Variants in PDE9A observed in about 807,000 individuals in gnomAD.
PDE9A encodes the protein high affinity cGMP-specific 3',5'-cyclic phosphodiesterase 9A.
In PDE9A, 60 loss-of-function variants were observed where a neutral mutation model predicts 87.4. The ratio of observed to expected loss-of-function variants is 0.69; its 90% CI spans 0.56 to 0.85. The LOEUF is 0.85. PDE9A is among the 40% of genes least tolerant of loss of function. PDE9A has a pLI of 0.00. For synonymous variants in PDE9A, 272 were observed against 279.4 expected (o/e 0.97, Z 0.27); for missense variants, 665 against 779.0 (o/e 0.85, Z 1.74).
In PDE9A at chr21:42,720,548, A is replaced by G. The variant is rs538387593; in HGVS notation, c.263-11222A>G. Among the ~76,000 whole-genome samples, 24 of 152,304 alleles carry G rather than the reference A, an allele frequency of 1.6e-4. No individual in the cohort carries two copies. In the South Asian group the frequency reaches 5.0e-3, roughly 32 times the overall value. On this transcript the variant is annotated intron_variant, in intron 4 of 19. Transcript: ENST00000291539. ...TACGGGCAAGAAGCCACACAGAAAG[A>G]AAAATAAAATAGGTATCTCTGGGGT...
At chr21:42,749,589 G>A (rs564425301) in intron 8 of PDE9A, among the ~76,000 whole-genome samples, 26 of 152,276 alleles carry the variant, frequency 1.7e-4, no homozygotes, top group Middle Eastern at 3.4e-3. Flanking sequence ...GGGATACCTC[G>A]ATACCAAGTG....
At position 42,759,099 on chromosome 21, in the gene PDE9A, C is replaced by T. The variant is rs1224309243; in HGVS notation, c.897+14C>T. 1 of 1,598,174 alleles carries T rather than the reference C, an allele frequency of 6.3e-7. No homozygotes were observed. The highest frequency in any genetic ancestry group is 1.1e-5 in the South Asian group (1 of 90,710). ...AGGAGGTGGCTGGTGAGTGCCAAAC[C>T]CGCCTTCGGTTCTTCCTGGGCACGT... is the stretch of plus-strand genomic sequence containing the variant. On this transcript the variant is annotated intron_variant, in intron 11 of 19. Coordinates refer to ENST00000291539, the MANE Select transcript of PDE9A (RefSeq NM_002606.3). The surrounding 1 kb of genome is among the most constrained non-coding windows in gnomAD (Gnocchi z 7.2).
At chr21:42,668,126 CATACTGCCTTGAA>C (rs1467753424) in intron 1 of PDE9A, among the ~76,000 whole-genome samples, 2 of 152,170 alleles carry the variant, frequency 1.3e-5, no homozygotes, top group African/African-American at 4.8e-5. Flanking sequence ...ACCATTCTCA[CATACTGCCTTGAA>C]ACTGGGCTCG....
chr21:42,770,117 C>T lies in PDE9A; in HGVS notation c.1591-586C>T, dbSNP rs187504781. Among the ~76,000 whole-genome samples the T allele has an allele frequency of 1.5e-3, 224 of 151,158 alleles. 1 individual carries two copies. The highest frequency in any genetic ancestry group is 5.2e-3 in the African/African-American group (213 of 41,144). Reference sequence around the variant, plus strand: ...GCCCCTGTCCAGCTCCCAGTCTCACCGCACCCAGCCACCGAGACCTTGCTC... The same window carrying T: ...GCCCCTGTCCAGCTCCCAGTCTCACTGCACCCAGCCACCGAGACCTTGCTC... On this transcript the variant is annotated intron_variant, in intron 17 of 19. Transcript: ENST00000291539.
chr21:42,653,828 C>A lies in PDE9A; in HGVS notation c.14C>A (p.Ser5Tyr), dbSNP rs1250161404. The A allele has an allele frequency of 2.6e-6, 4 of 1,565,564 alleles. No individual in the cohort carries two copies. Among genetic ancestry groups the A allele is most frequent in the Admixed American group, 3.6e-5 (2 of 55,748 alleles). ...GCCGGGCGCAGGATGGGATCCGGCT[C>A]CTCCAGCTACCGGCCCAAGGCCATC... is the stretch of plus-strand genomic sequence containing the variant. Reference protein sequence around the residue: MGSGSSSYRPKAIYL... With the variant: MGSGYSSYRPKAIYL... Residue 5 changes from serine (S) to tyrosine (Y), a missense_variant, in exon 1 of 20, where the codon TCC becomes TAC. Coordinates refer to ENST00000291539, the MANE Select transcript of PDE9A (RefSeq NM_002606.3).
chr21:42,718,692 G>A (rs1377399090), intron 4 of PDE9A, among the ~76,000 whole-genome samples: 1 of 151,612 alleles, frequency 6.6e-6, no homozygotes, highest in East Asian at 1.9e-4. Flanking sequence ...TTTTGTTTCG[G>A]TGTTTGCACG....
At chr21:42,745,370 A>G (rs1329938591) in intron 8 of PDE9A, among the ~76,000 whole-genome samples, 1 of 152,236 alleles carries the variant, frequency 6.6e-6, no homozygotes, top group Non-Finnish European at 1.5e-5. Context: ...TCTCAGCCCA[A>G]TTGACTTAGG....
chr21:42,678,848 G>C (rs8131125), intron 1 of PDE9A, among the ~76,000 whole-genome samples: 4 of 152,082 alleles, frequency 2.6e-5, no homozygotes, highest in African/African-American at 9.7e-5. Context: ...ACAGATCAGG[G>C]TGCACAGACA....
chr21:42,704,056 C>A lies in PDE9A; in HGVS notation c.262+5045C>A, dbSNP rs147991626. The stretch of plus-strand genomic sequence containing the variant: ...GGGCCCAGGCTCCCGCCAGCCCTCA[C>A]GGCAGCACGAGGCTGGTACGAGACA... On this transcript the variant is annotated intron_variant, in intron 4 of 19. Transcript: ENST00000291539. The surrounding 1 kb of genome is among the most constrained non-coding windows in gnomAD (Gnocchi z 5.3). Among the ~76,000 whole-genome samples the A allele has an allele frequency of 1.3e-5, 2 of 152,296 alleles. No homozygotes were observed. Among genetic ancestry groups the A allele is most frequent in the East Asian group, 3.9e-4 (2 of 5,182 alleles).
intron 3 of PDE9A, among the ~76,000 whole-genome samples, chr21:42,690,372 C>A (rs540150978): frequency 1.3e-5 from 2 of 151,888 alleles, no homozygotes; most frequent in African/African-American, 2.4e-5. Flanking sequence ...ATCTAGACAG[C>A]GATGTGGAAA....
At position 42,760,783 on chromosome 21, in the gene PDE9A, G is replaced by T; in HGVS notation, c.1003-42G>T. ...CCCCCCTCACCCCATCCCACCCTCCGAGTGAAGAGAGCAAACACCTACGCC... is the reference window on the plus strand; with the variant it reads ...CCCCCCTCACCCCATCCCACCCTCCTAGTGAAGAGAGCAAACACCTACGCC... On this transcript the variant is annotated intron_variant, in intron 12 of 19. Transcript: ENST00000291539. This position sits in a 1 kb window ranked among gnomAD's most constrained non-coding sequence, Gnocchi z 5.2. The T allele has an allele frequency of 2.1e-6, 2 of 971,408 alleles. No individual in the cohort carries two copies. The highest frequency in any genetic ancestry group is 3.3e-6 in the Non-Finnish European group (2 of 606,146). 60.2% of individuals were successfully genotyped at this position (971,408 alleles called of 1,614,324 possible). A position where few individuals can be genotyped will look rare whatever the true frequency, so the allele number is the denominator to read the frequency against.
chr21:42,762,228 C>T lies in PDE9A; in HGVS notation c.1231C>T (p.Gln411Ter). 6.2e-7 allele frequency: 1 copy of T among 1,613,942 alleles called. No individual in the cohort carries two copies. The highest frequency in any genetic ancestry group is 8.5e-7 in the Non-Finnish European group (1 of 1,179,878). Residue 411 changes from glutamine (Q) to a stop codon, truncating the protein, a stop_gained, in exon 14 of 20, where the codon CAG (glutamine) becomes TAG (stop). Coordinates refer to ENST00000291539, the MANE Select transcript of PDE9A (RefSeq NM_002606.3). LOFTEE classifies it high-confidence loss of function. ...CAACATCCCACCTGATGGGTTCAAG[C>T]AGATCCGACAGGTGTGTGGGGTGAG... Reference protein sequence around the residue: ...FSNIPPDGFKQIRQGMITLIL... With the variant: ...FSNIPPDGFK
chr21:42,765,922 C>A (rs1218607340), intron 15 of PDE9A, among the ~76,000 whole-genome samples: 2 of 152,212 alleles, frequency 1.3e-5, no homozygotes, highest in African/African-American at 4.8e-5. Flanking sequence ...TAGCCCAGCA[C>A]CCCTCCATAA....
chr21:42,733,791 G>T, intron 7 of PDE9A: 1 of 213,264 alleles, frequency 4.7e-6, no homozygotes, highest in Non-Finnish European at 9.5e-6. Context: ...GCACCCTGTG[G>T]GTCATAATTT....
chr21:42,737,814 A>C (rs1445453803), intron 7 of PDE9A, among the ~76,000 whole-genome samples: 1 of 152,196 alleles, frequency 6.6e-6, no homozygotes, highest in Non-Finnish European at 1.5e-5. Context: ...GGCCACCTTA[A>C]GGCCATATTA....
chr21:42,708,372 T>C (rs1170384284), intron 4 of PDE9A, among the ~76,000 whole-genome samples: 1 of 151,928 alleles, frequency 6.6e-6, no homozygotes, highest in Non-Finnish European at 1.5e-5. Context: ...TTGAGTAAAA[T>C]GGAGATGATG....
intron 8 of PDE9A, among the ~76,000 whole-genome samples, chr21:42,744,360 A>C (rs1483091968): frequency 6.6e-6 from 1 of 152,180 alleles, no homozygotes; most frequent in Non-Finnish European, 1.5e-5. Flanking sequence ...GTCTCAAGAA[A>C]AAAAGAGCAC....
chr21:42,754,142 T>C, intron 10 of PDE9A, 78 bp downstream of exon 10: 2 of 760,966 alleles, frequency 2.6e-6, no homozygotes, highest in Non-Finnish European at 2.3e-6. Context: ...ACCACCCCCA[T>C]CGCTCTTCCT....
Position 42,739,209 on chromosome 21 carries a change from G to A in PDE9A, c.569-4567G>A, listed in dbSNP as rs2052822724. On this transcript the variant is annotated intron_variant, in intron 7 of 19. Coordinates refer to ENST00000291539, the MANE Select transcript of PDE9A (RefSeq NM_002606.3). This position sits in a 1 kb window ranked among gnomAD's most constrained non-coding sequence, Gnocchi z 4.1. ...TTCAGCGTTTGAAGGCAGAGGAGCGGGCCATGATGGGCAGAGCCGACGTCC... is the reference window on the plus strand; with the variant it reads ...TTCAGCGTTTGAAGGCAGAGGAGCGAGCCATGATGGGCAGAGCCGACGTCC... 6.6e-6 allele frequency among the ~76,000 whole-genome samples: 1 copy of A among 152,238 alleles called. No individual in the cohort carries two copies. The highest frequency in any genetic ancestry group is 1.5e-5 in the Non-Finnish European group (1 of 68,034).
Sources: gnomAD v4.1 joint callset for allele counts (sites outside exome capture counted in the v4.1 genomes callset) on GRCh38, gnomAD v4.1.1 for gene constraint, Gnocchi (gnomAD v3.1) non-coding constraint, MANE v1.5 for transcripts, NCBI Gene and HGNC (gene_info 2026-07-23, HGNC 2026-07-21) for gene names.